The following SKOR2 variants were observed in gnomAD, a reference collection of about 807,000 sequenced individuals.
The protein encoded by SKOR2 is SKI family transcriptional corepressor 2.
In SKOR2, 47 loss-of-function variants were observed where a neutral mutation model predicts 69.1. The observed-to-expected ratio is 0.68, with a 90% confidence interval of 0.54 to 0.87. The LOEUF is 0.87. SKOR2 is among the 40% of genes least tolerant of loss of function. The pLI, the probability that SKOR2 is intolerant of heterozygous loss-of-function variation, is 0.00. For missense variants in SKOR2, 1,404 were observed against 1,472.2 expected (o/e 0.95, Z 0.76); for synonymous variants, 717 against 672.6 (o/e 1.07, Z -1.02).
intron 7 of SKOR2, among the ~76,000 whole-genome samples, chr18:47,217,887 A>G (rs539085443): frequency 4.0e-4 from 61 of 152,156 alleles, no homozygotes; most frequent in Non-Finnish European, 7.2e-4. Flanking sequence ...CAAATTATTT[A>G]ATTTGCTACC....
chr18:47,221,631 GTCT>G (rs1415226587), intron 6 of SKOR2, among the ~76,000 whole-genome samples: 1 of 152,124 alleles, frequency 6.6e-6, no homozygotes, highest in Admixed American at 6.6e-5. Flanking sequence ...CCTCCAGGAA[GTCT>G]TCTCCAATTC....
At chr18:47,245,070 G>T (rs2064265601) in intron 3 of SKOR2, 88 bp from the exon 4 acceptor site, 2 of 1,037,350 alleles carry the variant, frequency 1.9e-6, no homozygotes, top group Admixed American at 2.4e-5. Flanking sequence ...TTGCAGGGAG[G>T]ATGCTACTTA....
At chr18:47,228,264 G>A (rs2064185682) in intron 6 of SKOR2, among the ~76,000 whole-genome samples, 2 of 152,170 alleles carry the variant, frequency 1.3e-5, no homozygotes, top group Non-Finnish European at 2.9e-5. Flanking sequence ...CTTGGTCAGT[G>A]GAGTATGTTG....
chr18:47,246,865 C>G lies in SKOR2; in HGVS notation c.2319G>C (p.Thr773=), dbSNP rs940193750. Residue 773 remains threonine (T), a synonymous_variant, in exon 2 of 9, where the codon ACG becomes ACC. Coordinates refer to ENST00000425639, the MANE Select transcript of SKOR2 (RefSeq NM_001278063.4). The part of the protein sequence containing the change: ...PDDDEEEDEE[T]EVLLGDPLVG... ...CTAAGGGGTCGCCGAGTAGGACCTC[C>G]GTCTCCTCGTCCTCTTCCTCGTCGT... 1 of 1,492,574 alleles carries G rather than the reference C, an allele frequency of 6.7e-7. No homozygotes were observed. Among genetic ancestry groups the G allele is most frequent in the Admixed American group, 2.2e-5 (1 of 46,498 alleles). 92.5% of individuals were successfully genotyped at this position (1,492,574 alleles called of 1,614,324 possible).
chr18:47,235,796 A>G (rs2144501870), intron 4 of SKOR2, among the ~76,000 whole-genome samples: 1 of 151,628 alleles, frequency 6.6e-6, no homozygotes, highest in South Asian at 2.1e-4. Context: ...AAAAAAAAAA[A>G]AAAAACAGCC....
At chr18:47,234,986 G>A (rs1445862839) in intron 4 of SKOR2, among the ~76,000 whole-genome samples, 1 of 151,984 alleles carries the variant, frequency 6.6e-6, no homozygotes, top group Non-Finnish European at 1.5e-5. Context: ...ACATATCTAA[G>A]ACTGTAGAAA....
intron 7 of SKOR2, among the ~76,000 whole-genome samples, chr18:47,216,155 T>C (rs780015089): frequency 6.6e-6 from 1 of 152,220 alleles, no homozygotes; most frequent in African/African-American, 2.4e-5. Flanking sequence ...GAATCATAAT[T>C]CATTTGTGAA....
intron 8 of SKOR2, among the ~76,000 whole-genome samples, chr18:47,211,548 A>C (rs1179054199): frequency 1.3e-5 from 2 of 152,188 alleles, no homozygotes; most frequent in African/African-American, 2.4e-5. Context: ...TTTTAAACTG[A>C]TATGACCTTG....
chr18:47,244,972 C>A lies in SKOR2; in HGVS notation c.2688G>T (p.Lys896Asn). 6.5e-7 allele frequency: 1 copy of A among 1,535,298 alleles called. No individual in the cohort carries two copies. The highest frequency in any genetic ancestry group is 8.7e-7 in the Non-Finnish European group (1 of 1,146,440). The change falls in exon 4 of 9, where the codon AAG (lysine) becomes AAT (asparagine). Residue 896 changes from lysine (K) to asparagine (N), a missense_variant. This residue lies in a region of SKOR2 where 1,266 missense variants were observed against 1,309.9 expected (regional missense o/e 0.97). Transcript: ENST00000425639. Reference protein sequence around the residue: ...KDDNSFSDKNKEHSFFITDSD... With the variant: ...KDDNSFSDKNNEHSFFITDSD... The stretch of plus-strand genomic sequence containing the variant: ...AGTCTGTGATGAAAAAGCTATGCTC[C>A]TTGTTCTTATCTAGAACCAAAACAA...
chr18:47,237,387 G>A (rs113484137), intron 4 of SKOR2, among the ~76,000 whole-genome samples: 1 of 152,292 alleles, frequency 6.6e-6, no homozygotes, highest in African/African-American at 2.4e-5. Flanking sequence ...GCCTCCAACA[G>A]CAAAAATATT....
intron 4 of SKOR2, 103 bp downstream of exon 4, chr18:47,244,805 T>C (rs369814820): frequency 2.7e-6 from 3 of 1,119,542 alleles, no homozygotes. Context: ...GGAATTGTTT[T>C]TTATTTTTAC....
intron 6 of SKOR2, among the ~76,000 whole-genome samples, chr18:47,224,771 C>T (rs1219539859): frequency 3.9e-5 from 6 of 152,010 alleles, no homozygotes; most frequent in Non-Finnish European, 8.8e-5. Flanking sequence ...CATGCCACCA[C>T]ACTTGGCTAA....
At chr18:47,250,187 G>A (rs1005999849) in intron 1 of SKOR2, among the ~76,000 whole-genome samples, 11 of 152,078 alleles carry the variant, frequency 7.2e-5, no homozygotes, top group Non-Finnish European at 1.3e-4. Context: ...AATTTATTTT[G>A]ATATCTCTAT....
rs1343478591 is a variant in SKOR2 at position 47,219,839 on chromosome 18, A to G, written c.2985+104T>C. The G allele has an allele frequency of 9.0e-6, 9 of 1,004,248 alleles. No individual in the cohort carries two copies. In the South Asian group the frequency reaches 1.3e-4, roughly 14 times the overall value. 62.2% of individuals were successfully genotyped at this position (1,004,248 alleles called of 1,614,324 possible). A position where few individuals can be genotyped will look rare whatever the true frequency, so the allele number is the denominator to read the frequency against. On this transcript the variant is annotated intron_variant, in intron 7 of 8. Transcript: ENST00000425639. ...TCTAAGCCAGCTGAGAGGTAAGTGG[A>G]CCAAAGGATTTCATGCAAAAACGTG...
chr18:47,222,521 G>A lies in SKOR2; in HGVS notation c.2918-2511C>T, dbSNP rs141936347. ...CTAGAGGTGGGTCTAAGGGTACAGG[G>A]CAACAGGGGAACCAGCCCTCCACAA... On this transcript the variant is annotated intron_variant, in intron 6 of 8. Coordinates refer to ENST00000425639, the MANE Select transcript of SKOR2 (RefSeq NM_001278063.4). Among the ~76,000 whole-genome samples the A allele has an allele frequency of 6.6e-5, 10 of 152,266 alleles. No homozygotes were observed. The East Asian group carries it at 1.4e-3, about 21-fold the overall frequency.
rs1422655854 is a variant in SKOR2 at position 47,249,130 on chromosome 18, C to T, written c.54G>A (p.Ser18=). The change falls in exon 2 of 9, where the codon TCG becomes TCA. Residue 18 remains serine (S), a synonymous_variant. Coordinates refer to ENST00000425639, the MANE Select transcript of SKOR2 (RefSeq NM_001278063.4). ...GPNDILLASP[S]SAFQPDTLSQ... ...TCAGCGTGTCGGGCTGGAAGGCGCT[C>T]GACGGCGACGCCAGCAGGATGTCGT... The T allele has an allele frequency of 6.5e-7, 1 of 1,535,668 alleles. No homozygotes were observed. Among genetic ancestry groups the T allele is most frequent in the African/African-American group, 1.4e-5 (1 of 73,014 alleles).
intron 8 of SKOR2, among the ~76,000 whole-genome samples, chr18:47,208,148 C>T (rs1285192532): frequency 2.0e-5 from 3 of 152,138 alleles, no homozygotes; most frequent in Admixed American, 6.5e-5. Flanking sequence ...AGAGAAATGG[C>T]ATCAGATCTG....
intron 6 of SKOR2, among the ~76,000 whole-genome samples, chr18:47,224,188 T>A (rs963037112): frequency 6.6e-6 from 1 of 152,168 alleles, no homozygotes; most frequent in South Asian, 2.1e-4. Flanking sequence ...GACTACAGGA[T>A]GAGCCACCAC....
intron 6 of SKOR2, among the ~76,000 whole-genome samples, chr18:47,228,146 C>T (rs2064185200): frequency 6.6e-6 from 1 of 152,230 alleles, no homozygotes; most frequent in South Asian, 2.1e-4. Flanking sequence ...ATTTAGTTAA[C>T]AAGCACATAA....
Sources: allele counts gnomAD v4.1 joint callset (sites outside exome capture counted in the v4.1 genomes callset), GRCh38; gene constraint gnomAD v4.1.1; regional missense constraint gnomAD v4.1.1; transcripts MANE v1.5; gene names NCBI Gene and HGNC (gene_info 2026-07-23, HGNC 2026-07-21).